PRKN: variants seen among roughly 807,000 people sequenced by gnomAD.
The protein encoded by PRKN is E3 ubiquitin-protein ligase parkin.
In PRKN, 56 loss-of-function variants were observed where a neutral mutation model predicts 59.5. The ratio of observed to expected loss-of-function variants is 0.94; its 90% CI spans 0.76 to 1.18. The LOEUF is 1.18. Among genes scored for constraint, PRKN ranks in the 50% most tolerant of loss-of-function variants. The probability of loss-of-function intolerance (pLI) is 0.00; values close to 1 mark genes in which losing one functional copy is unlikely to be tolerated. For synonymous variants in PRKN, 250 were observed against 222.1 expected, an observed-to-expected ratio of 1.13 and a Z score of -1.12; for missense variants, 657 against 596.4, an observed-to-expected ratio of 1.10 and a Z score of -1.06.
intron 1 of PRKN, among the ~76,000 whole-genome samples, chr6:162,461,523 A>AAAAG (rs1791173765): frequency 6.8e-6 from 1 of 148,076 alleles, no homozygotes; most frequent in Non-Finnish European, 1.5e-5. Flanking sequence ...AAAAAAAAAA[A>AAAAG]AAAAAGAAAG....
chr6:161,570,025 T>A (rs1405801745), intron 7 of PRKN, among the ~76,000 whole-genome samples: 2 of 151,092 alleles, frequency 1.3e-5, no homozygotes, highest in Non-Finnish European at 2.9e-5. Context: ...GCCCAGCAGT[T>A]CTGGTGCCTA....
intron 2 of PRKN, among the ~76,000 whole-genome samples, chr6:162,305,625 G>T (rs2128115817): frequency 6.6e-6 from 1 of 152,186 alleles, no homozygotes; most frequent in East Asian, 1.9e-4. Flanking sequence ...ATTCTTATAA[G>T]AAAAATGTTT....
rs568833409 is a variant in PRKN, at chr6:162,121,107, T to C, written c.535-66933A>G. ...TTGCTTTTGCTTGGTCGGGTCCACA[T>C]AGCACCTGCACTTTTCTCTGGGTGA... On this transcript the variant is annotated intron_variant, in intron 4 of 11. Coordinates refer to ENST00000366898, the MANE Select transcript of PRKN (RefSeq NM_004562.3). 1.2e-4 allele frequency among the ~76,000 whole-genome samples: 19 copies of C among 152,302 alleles called. No individual in the cohort carries two copies. In the East Asian group the frequency reaches 3.5e-3, roughly 28 times the overall value.
intron 1 of PRKN, among the ~76,000 whole-genome samples, chr6:162,675,359 T>C (rs1313873442): frequency 7.9e-5 from 12 of 152,038 alleles, no homozygotes; most frequent in African/African-American, 2.4e-4. Flanking sequence ...CATTTTTAAA[T>C]AGATTGAATT....
rs1339110601 is a variant in PRKN at position 161,385,330 on chromosome 6, C to T, written c.1167+1464G>A. ...TGCTAATTGACACTATTTGCAGACA[C>T]AGTTCCCCCGATGCTGGACATCTAT... On this transcript the variant is annotated intron_variant, in intron 10 of 11. Coordinates refer to ENST00000366898, the MANE Select transcript of PRKN (RefSeq NM_004562.3). The surrounding 1 kb of genome is among the most constrained non-coding windows in gnomAD (Gnocchi z 4.9). 6.6e-6 allele frequency among the ~76,000 whole-genome samples: 1 copy of T among 152,220 alleles called. No homozygotes were observed. Among genetic ancestry groups the T allele is most frequent in the South Asian group, 2.1e-4 (1 of 4,830 alleles).
intron 3 of PRKN, among the ~76,000 whole-genome samples, chr6:162,222,411 G>A (rs755633410): frequency 6.6e-6 from 1 of 152,142 alleles, no homozygotes; most frequent in East Asian, 1.9e-4. Context: ...TAGAGCTTCC[G>A]ACCGCTTTGA....
At chr6:161,850,376 G>GTCTCT (rs1793377215) in intron 6 of PRKN, among the ~76,000 whole-genome samples, 1 of 151,964 alleles carries the variant, frequency 6.6e-6, no homozygotes, top group Non-Finnish European at 1.5e-5. Flanking sequence ...TCAAGAGATA[G>GTCTCT]AGACCATCCT....
intron 7 of PRKN, among the ~76,000 whole-genome samples, chr6:161,621,047 A>C (rs1411074268): frequency 1.3e-5 from 2 of 152,220 alleles, no homozygotes; most frequent in African/African-American, 2.4e-5. Context: ...GAGTTTCTGC[A>C]TTCTTCTGTT....
intron 4 of PRKN, among the ~76,000 whole-genome samples, chr6:162,076,381 T>TC (rs146037799): frequency 0.39 from 58,759 of 151,746 alleles, 12,043 homozygotes; most frequent in Admixed American, 0.49. Flanking sequence ...TTAATTTGTT[T>TC]TAACATGGTC....
intron 3 of PRKN, among the ~76,000 whole-genome samples, chr6:162,204,619 G>A (rs1033883101): frequency 2.6e-5 from 4 of 151,910 alleles, no homozygotes; most frequent in Non-Finnish European, 5.9e-5. Flanking sequence ...AAACATCAAC[G>A]AACTCATATA....
At chr6:162,292,566 T>A (rs9355395) in intron 2 of PRKN, among the ~76,000 whole-genome samples, 83,170 of 151,922 alleles carry the variant, frequency 0.55, 26,055 homozygotes, top group East Asian at 0.83. Flanking sequence ...GGTCCAGGAT[T>A]GAATCTACTC....
At chr6:162,673,298 C>T (rs1409731324) in intron 1 of PRKN, among the ~76,000 whole-genome samples, 1 of 151,950 alleles carries the variant, frequency 6.6e-6, no homozygotes, top group Non-Finnish European at 1.5e-5. Context: ...AGGACACGGT[C>T]AACAAGTACT....
intron 6 of PRKN, among the ~76,000 whole-genome samples, chr6:161,856,219 G>T (rs374533302): frequency 1.3e-5 from 2 of 152,094 alleles, no homozygotes; most frequent in South Asian, 4.1e-4. Flanking sequence ...AATTAGCCAG[G>T]CATGAGGGCG....
intron 2 of PRKN, among the ~76,000 whole-genome samples, chr6:162,262,991 T>C (rs1181723438): frequency 2.0e-5 from 3 of 151,976 alleles, no homozygotes; most frequent in Non-Finnish European, 4.4e-5. Flanking sequence ...TGAAACACAA[T>C]AGAATGCTGA....
intron 6 of PRKN, among the ~76,000 whole-genome samples, chr6:161,942,490 C>A (rs1453652522): frequency 6.6e-6 from 1 of 152,072 alleles, no homozygotes; most frequent in Non-Finnish European, 1.5e-5. Flanking sequence ...GAGATCGCGC[C>A]ATTGTATTCC....
At chr6:162,355,652 G>C (rs1426939569) in intron 2 of PRKN, among the ~76,000 whole-genome samples, 1 of 151,870 alleles carries the variant, frequency 6.6e-6, no homozygotes, top group Non-Finnish European at 1.5e-5. Flanking sequence ...GCAGGAAAGT[G>C]GGTTGGAGAT....
At chr6:161,685,184 G>GT (rs1248869892) in intron 7 of PRKN, among the ~76,000 whole-genome samples, 1 of 152,140 alleles carries the variant, frequency 6.6e-6, no homozygotes. Context: ...TTGCTCGGCA[G>GT]TTTTTTCTAC....
intron 1 of PRKN, among the ~76,000 whole-genome samples, chr6:162,596,607 C>G (rs1007791848): frequency 1.3e-5 from 2 of 152,118 alleles, no homozygotes; most frequent in African/African-American, 4.8e-5. Context: ...GATCAATGTT[C>G]CTGTAGTGTG....
chr6:161,532,188 AT>A (rs1562508876), intron 9 of PRKN, among the ~76,000 whole-genome samples: 9 of 133,346 alleles, frequency 6.7e-5, no homozygotes, highest in African/African-American at 2.5e-4. Context: ...ATATATATAT[AT>A]ATAATCTATC....
Sources: gnomAD v4.1 joint callset for allele counts (sites outside exome capture counted in the v4.1 genomes callset) on GRCh38, gnomAD v4.1.1 for gene constraint, Gnocchi (gnomAD v3.1) non-coding constraint, MANE v1.5 for transcripts, NCBI Gene and HGNC (gene_info 2026-07-23, HGNC 2026-07-21) for gene names.